The following PDZD8 variants were observed in gnomAD, a reference collection of about 807,000 sequenced individuals.
PDZD8 encodes PDZ domain containing 8, also known as PDZ domain-containing protein 8.
Under a neutral mutation model 85.8 loss-of-function variants are expected in PDZD8, and 14 were observed. The ratio of observed to expected loss-of-function variants is 0.16; its 90% CI spans 0.11 to 0.26. The LOEUF (loss-of-function observed/expected upper bound fraction) is 0.26. PDZD8 is among the 10% of genes least tolerant of loss of function. The pLI, the probability that PDZD8 is intolerant of heterozygous loss-of-function variation, is 1.00. For missense variants in PDZD8, 1,197 were observed against 1,424.3 expected, an observed-to-expected ratio of 0.84 and a Z score of 2.57; for synonymous variants, 592 against 568.6, an observed-to-expected ratio of 1.04 and a Z score of -0.59.
chr10:117,292,469 T>C (rs1439041862), intron 3 of PDZD8, among the ~76,000 whole-genome samples: 2 of 152,190 alleles, frequency 1.3e-5, no homozygotes, highest in African/African-American at 4.8e-5. Context: ...ATTTAGAATG[T>C]AAGTTTTTCT....
chr10:117,350,489 C>A (rs1019529049), intron 1 of PDZD8, among the ~76,000 whole-genome samples: 2 of 151,332 alleles, frequency 1.3e-5, no homozygotes, highest in African/African-American at 4.9e-5. Flanking sequence ...TGGTCTCGAA[C>A]TCCTGACCTC....
At chr10:117,339,054 A>T (rs1027334966) in intron 2 of PDZD8, among the ~76,000 whole-genome samples, 2 of 150,862 alleles carry the variant, frequency 1.3e-5, no homozygotes, top group Non-Finnish European at 3.0e-5. Flanking sequence ...TTTTGATTTA[A>T]AAAAAAAGGG....
At chr10:117,306,111 T>C (rs1399346431) in intron 3 of PDZD8, among the ~76,000 whole-genome samples, 2 of 152,188 alleles carry the variant, frequency 1.3e-5, no homozygotes, top group Non-Finnish European at 2.9e-5. Context: ...CCCCTCAATC[T>C]TCAAAATAGA....
Position 117,284,487 on chromosome 10 carries a change from G to T in PDZD8, c.2246C>A (p.Thr749Lys). The T allele has an allele frequency of 6.2e-7, 1 of 1,614,110 alleles. No individual in the cohort carries two copies. Among genetic ancestry groups the T allele is most frequent in the Non-Finnish European group, 8.5e-7 (1 of 1,180,028 alleles). Residue 749 changes from threonine to lysine, a missense_variant, in exon 5 of 5, where the codon ACG becomes AAG. By Grantham distance (78) the Thr-to-Lys change is moderately conservative. Transcript: ENST00000334464. Reference protein sequence around the residue: ...VALGCLATSNTEYLSKLRLEA... With the variant: ...VALGCLATSNKEYLSKLRLEA... ...CAGTCTCAATTTGGAAAGGTATTCC[G>T]TGTTTGATGTAGCTAGGCATCCTAA...
chr10:117,356,396 T>C lies in PDZD8; in HGVS notation c.873-15294A>G, dbSNP rs562661119. On this transcript the variant is annotated intron_variant, in intron 1 of 4. Transcript: ENST00000334464. ...TAACTAAAGCAAGACACACGAATAA[T>C]AATTTATTCCACAGAATGTTAGATG... Among the ~76,000 whole-genome samples the C allele has an allele frequency of 4.6e-5, 7 of 152,306 alleles. No individual in the cohort carries two copies. In the East Asian group the frequency reaches 7.7e-4, roughly 17 times the overall value.
intron 1 of PDZD8, among the ~76,000 whole-genome samples, chr10:117,361,621 G>C (rs112777604): frequency 6.6e-6 from 1 of 152,102 alleles, no homozygotes; most frequent in Non-Finnish European, 1.5e-5. Flanking sequence ...AGCTAGTCAG[G>C]TGTTATCAAA....
At chr10:117,367,248 T>C (rs1272553887) in intron 1 of PDZD8, among the ~76,000 whole-genome samples, 3 of 152,006 alleles carry the variant, frequency 2.0e-5, no homozygotes, top group African/African-American at 7.2e-5. Flanking sequence ...CTGTCTGTAC[T>C]AAATATGTGA....
intron 1 of PDZD8, among the ~76,000 whole-genome samples, chr10:117,345,676 C>CA (rs1844693117): frequency 1.4e-5 from 2 of 144,162 alleles, no homozygotes; most frequent in African/African-American, 2.5e-5. Context: ...ACCCATACAG[C>CA]AAAAAACAAA....
chr10:117,346,189 C>G (rs372749448), intron 1 of PDZD8, among the ~76,000 whole-genome samples: 1 of 139,016 alleles, frequency 7.2e-6, no homozygotes, highest in African/African-American at 2.7e-5. Context: ...TGCAGTGAGC[C>G]GAGATTGCAC....
chr10:117,285,077 T>C lies in PDZD8; in HGVS notation c.1656A>G (p.Leu552=), dbSNP rs768309843. 6.2e-7 allele frequency: 1 copy of C among 1,611,662 alleles called. No individual in the cohort carries two copies. Among genetic ancestry groups the C allele is most frequent in the Non-Finnish European group, 8.5e-7 (1 of 1,177,720 alleles). Reference sequence around the variant, plus strand: ...CATCTTTGGACTGAATTTTCGGTGGTAGTGGGTGACTTCCTACAGCTAATT... The same window carrying C: ...CATCTTTGGACTGAATTTTCGGTGGCAGTGGGTGACTTCCTACAGCTAATT... ...NRKLAVGSHP[L]PPKIQSKDGN... Residue 552 remains leucine (L), a synonymous_variant, in exon 5 of 5, where the codon CTA becomes CTG. Transcript: ENST00000334464.
rs973708234 is a variant in PDZD8, at chr10:117,283,291, A to G, written c.3442T>C (p.Phe1148Leu). 3 of 1,612,460 alleles carry G rather than the reference A, an allele frequency of 1.9e-6. No homozygotes were observed. ...QPFSSISDDL[F>L]GPSESV ...TGCTACACAGACTCGGATGGGCCAA[A>G]TAAGTCATCTGATATGCTGCTGAAT... The change falls in exon 5 of 5, where the codon TTT (phenylalanine) becomes CTT (leucine). Residue 1148 changes from phenylalanine to leucine, a missense_variant. Coordinates refer to ENST00000334464, the MANE Select transcript of PDZD8 (RefSeq NM_173791.5).
intron 1 of PDZD8, among the ~76,000 whole-genome samples, chr10:117,360,608 T>A (rs918063560): frequency 2.0e-5 from 3 of 152,080 alleles, no homozygotes; most frequent in South Asian, 2.1e-4. Flanking sequence ...AAGAGAAAGC[T>A]AAAGCAGCTT....
At chr10:117,313,504 C>T (rs1375559949) in intron 3 of PDZD8, among the ~76,000 whole-genome samples, 3 of 152,206 alleles carry the variant, frequency 2.0e-5, no homozygotes, top group East Asian at 3.9e-4. Flanking sequence ...ATCAAAGTCT[C>T]GGGCTCAATC....
intron 1 of PDZD8, among the ~76,000 whole-genome samples, chr10:117,373,604 CAAAA>C (rs796930758): frequency 0.02 from 1,060 of 52,432 alleles, 14 homozygotes; most frequent in African/African-American, 0.052. Context: ...CTAAAAAATA[CAAAA>C]AAAAAAAAAA....
intron 1 of PDZD8, among the ~76,000 whole-genome samples, chr10:117,344,179 T>C (rs1844664691): frequency 6.6e-6 from 1 of 152,238 alleles, no homozygotes; most frequent in Non-Finnish European, 1.5e-5. Context: ...AGAGCCCTGC[T>C]GATCTGCTCC....
At chr10:117,309,106 T>C (rs2133793814) in intron 3 of PDZD8, among the ~76,000 whole-genome samples, 1 of 152,240 alleles carries the variant, frequency 6.6e-6, no homozygotes, top group East Asian at 1.9e-4. Context: ...TTGAAAAGGA[T>C]GTTTTAACTA....
chr10:117,315,602 A>AAAC (rs1564697033), intron 3 of PDZD8, among the ~76,000 whole-genome samples: 6 of 143,310 alleles, frequency 4.2e-5, no homozygotes, highest in Non-Finnish European at 7.6e-5. Context: ...AAAAAAAAAA[A>AAAC]AAAAAAAAAA....
At chr10:117,316,934 C>G (rs1193936190) in intron 3 of PDZD8, among the ~76,000 whole-genome samples, 1 of 152,120 alleles carries the variant, frequency 6.6e-6, no homozygotes, top group Admixed American at 6.5e-5. Flanking sequence ...AAGGACATGG[C>G]TGACATGTGC....
chr10:117,284,177 T>C lies in PDZD8; in HGVS notation c.2556A>G (p.Thr852=). The C allele has an allele frequency of 6.2e-7, 1 of 1,614,206 alleles. No individual in the cohort carries two copies. Among genetic ancestry groups the C allele is most frequent in the Non-Finnish European group, 8.5e-7 (1 of 1,180,036 alleles). ...SFQDTQFQNP[T]WCDYCKKKVW... ...CTTTTTTCTTACAGTAGTCACACCA[T>C]GTTGGGTTCTGGAACTGAGTATCCT... The change falls in exon 5 of 5, where the codon ACA becomes ACG. Residue 852 remains threonine (T), a synonymous_variant. Transcript: ENST00000334464.
Sources: gnomAD v4.1 joint callset for allele counts (sites outside exome capture counted in the v4.1 genomes callset) on GRCh38, gnomAD v4.1.1 for gene constraint, MANE v1.5 for transcripts, NCBI Gene and HGNC (gene_info 2026-07-23, HGNC 2026-07-21) for gene names.